Variants in STAM observed in about 807,000 individuals in gnomAD.
STAM encodes the protein signal transducing adaptor molecule.
In STAM, 16 loss-of-function variants were observed where a neutral mutation model predicts 63.4. The observed-to-expected ratio is 0.25, with a 90% CI of 0.17 to 0.38. The LOEUF is 0.38. STAM is among the 10% of genes least tolerant of loss of function. The pLI, the probability that STAM is intolerant of heterozygous loss-of-function variation, is 1.00. For missense variants in STAM, 636 were observed against 657.1 expected (o/e 0.97, Z 0.35); for synonymous variants, 238 against 223.9 (o/e 1.06, Z -0.56).
At chr10:17,661,832 A>G (rs549751734) in intron 2 of STAM, among the ~76,000 whole-genome samples, 18 of 152,056 alleles carry the variant, frequency 1.2e-4, no homozygotes, top group African/African-American at 4.3e-4. Flanking sequence ...TATACCCTCC[A>G]CTCTAGCTTT....
intron 12 of STAM, among the ~76,000 whole-genome samples, chr10:17,707,412 A>AT (rs1836339195): frequency 6.6e-6 from 1 of 151,902 alleles, no homozygotes; most frequent in Non-Finnish European, 1.5e-5. Flanking sequence ...TCCACCTCAA[A>AT]AAATAATAAT....
Position 17,700,263 on chromosome 10 carries a change from C to T in STAM, c.896C>T (p.Pro299Leu), listed in dbSNP as rs1162669332. 6.2e-7 allele frequency: 1 copy of T among 1,607,170 alleles called. No homozygotes were observed. Among genetic ancestry groups the T allele is most frequent in the Non-Finnish European group, 8.5e-7 (1 of 1,176,534 alleles). Residue 299 changes from proline (P) to leucine (L), a missense_variant, in exon 9 of 14, where the codon CCA becomes CTA. Pro to Leu is a moderately conservative substitution (Grantham distance 98). Transcript: ENST00000377524. ...QVETIEPEPE[P>L]AFIDEDKMDQ... Reference sequence around the variant, plus strand: ...GAGACAATAGAACCAGAGCCGGAACCAGCCTTTATTGATGAAGTAAGTGGT... The same window carrying T: ...GAGACAATAGAACCAGAGCCGGAACTAGCCTTTATTGATGAAGTAAGTGGT...
chr10:17,684,959 G>C (rs1835234770), intron 4 of STAM, 32 bp downstream of exon 4: 1 of 1,538,872 alleles, frequency 6.5e-7, no homozygotes, highest in African/African-American at 1.4e-5. Flanking sequence ...AATTAATTAA[G>C]GCAGTCTTCT....
chr10:17,665,328 C>CA (rs1371965779), intron 2 of STAM, among the ~76,000 whole-genome samples: 2 of 152,036 alleles, frequency 1.3e-5, no homozygotes, highest in East Asian at 3.9e-4. Context: ...TCACATGGCT[C>CA]AAATGTTAAA....
At chr10:17,651,404 T>C (rs1554821537) in intron 1 of STAM, among the ~76,000 whole-genome samples, 12 of 152,228 alleles carry the variant, frequency 7.9e-5, no homozygotes, top group Non-Finnish European at 1.8e-4. Flanking sequence ...AAGTTAGAAA[T>C]AGATGTGGGG....
chr10:17,654,595 CTT>C (rs1264665620), intron 1 of STAM, among the ~76,000 whole-genome samples: 2 of 152,192 alleles, frequency 1.3e-5, no homozygotes, highest in East Asian at 3.9e-4. Flanking sequence ...CATGAGTAGT[CTT>C]ATCATTTTTT....
At chr10:17,705,226 T>C (rs1836207436) in intron 11 of STAM, among the ~76,000 whole-genome samples, 1 of 152,200 alleles carries the variant, frequency 6.6e-6, no homozygotes, top group Non-Finnish European at 1.5e-5. Flanking sequence ...CTTTGCAATA[T>C]AGTCAAAAGG....
Position 17,715,214 on chromosome 10 carries a change from A to T in STAM, c.*434A>T, listed in dbSNP as rs1836763582. On this transcript the variant is annotated 3_prime_UTR_variant, in exon 14 of 14. Coordinates refer to ENST00000377524, the MANE Select transcript of STAM (RefSeq NM_003473.4). ...TAATTTACGTTGCTATTTTATTTTAATCATAAACAACTACCATGTTTCTTA... is the reference window on the plus strand; with the variant it reads ...TAATTTACGTTGCTATTTTATTTTATTCATAAACAACTACCATGTTTCTTA... The T allele has an allele frequency of 5.8e-6, 1 of 171,136 alleles. No individual in the cohort carries two copies. Among genetic ancestry groups the T allele is most frequent in the South Asian group, 1.4e-4 (1 of 7,064 alleles). The allele number at this position is 171,136 out of a possible 1,614,324, so 10.6% of individuals were successfully genotyped here.
At chr10:17,644,716 G>A (rs1474433185) in intron 1 of STAM, among the ~76,000 whole-genome samples, 1 of 152,220 alleles carries the variant, frequency 6.6e-6, no homozygotes, top group Non-Finnish European at 1.5e-5. Context: ...GGCTTAAGGC[G>A]TATGTTGGCT....
At chr10:17,687,419 G>A (rs1332855118) in intron 4 of STAM, among the ~76,000 whole-genome samples, 1 of 152,092 alleles carries the variant, frequency 6.6e-6, no homozygotes, top group Admixed American at 6.5e-5. Context: ...CCTCTGGGAG[G>A]CGGAGGTTGC....
At chr10:17,682,543 T>A (rs1554825499) in intron 2 of STAM, among the ~76,000 whole-genome samples, 1 of 152,212 alleles carries the variant, frequency 6.6e-6, no homozygotes, top group Non-Finnish European at 1.5e-5. Flanking sequence ...TTTCCAAATA[T>A]TTGGGTATTT....
intron 1 of STAM, among the ~76,000 whole-genome samples, chr10:17,651,833 T>C (rs991629002): frequency 2.6e-5 from 4 of 152,276 alleles, no homozygotes; most frequent in Non-Finnish European, 5.9e-5. Context: ...GCTGACTGAA[T>C]GACAGTCCTT....
At chr10:17,693,616 C>G (rs1192173393) in intron 6 of STAM, among the ~76,000 whole-genome samples, 1 of 152,168 alleles carries the variant, frequency 6.6e-6, no homozygotes, top group Non-Finnish European at 1.5e-5. Flanking sequence ...ACTTGCTTTT[C>G]TCATGCAACA....
In STAM at chr10:17,708,949, A is replaced by C. The variant is rs1836430074; in HGVS notation, c.1383A>C (p.Pro461=). 1 of 1,613,210 alleles carries C rather than the reference A, an allele frequency of 6.2e-7. No individual in the cohort carries two copies. The highest frequency in any genetic ancestry group is 8.5e-7 in the Non-Finnish European group (1 of 1,179,388). Residue 461 remains proline, a splice_region_variant and synonymous_variant, in exon 13 of 14, where the codon CCA becomes CCC. Transcript: ENST00000377524. The part of the protein sequence containing the change: ...LPSQQTQAAY[P]NTMVSSVQGN... ...GTCAGCAGACTCAGGCCGCTTACCC[A>C]AAGTAATTTTACTGTTGATTCTTGT...
intron 2 of STAM, among the ~76,000 whole-genome samples, chr10:17,667,581 G>A (rs1834447640): frequency 6.6e-6 from 1 of 152,196 alleles, no homozygotes; most frequent in African/African-American, 2.4e-5. Flanking sequence ...TGGCTATACA[G>A]TGGTGAATAA....
At chr10:17,665,132 G>C (rs1834324084) in intron 2 of STAM, among the ~76,000 whole-genome samples, 1 of 151,130 alleles carries the variant, frequency 6.6e-6, no homozygotes, top group East Asian at 1.9e-4. Context: ...AGTCAGAACT[G>C]TGACCAGGAA....
intron 2 of STAM, among the ~76,000 whole-genome samples, chr10:17,683,732 TGACTG>T (rs1282237565): frequency 6.6e-6 from 1 of 152,262 alleles, no homozygotes; most frequent in Non-Finnish European, 1.5e-5. Flanking sequence ...ATAAAGTCCT[TGACTG>T]CTAATTTCAT....
intron 13 of STAM, among the ~76,000 whole-genome samples, chr10:17,710,120 C>A (rs536497369): frequency 6.6e-6 from 1 of 151,894 alleles, no homozygotes; most frequent in South Asian, 2.1e-4. Context: ...CTTAATAGGA[C>A]CCTGCAGCTA....
chr10:17,715,399 A>G lies in STAM; in HGVS notation c.*619A>G, dbSNP rs1172914054. The G allele has an allele frequency of 2.6e-5, 4 of 155,806 alleles. No individual in the cohort carries two copies. Among genetic ancestry groups the G allele is most frequent in the Admixed American group, 6.2e-5 (1 of 16,174 alleles). 9.7% of individuals were successfully genotyped at this position (155,806 alleles called of 1,614,324 possible). A position where few individuals can be genotyped will look rare whatever the true frequency, so the allele number is the denominator to read the frequency against. On this transcript the variant is annotated 3_prime_UTR_variant, in exon 14 of 14. Transcript: ENST00000377524. ...TTGTGAGCTAAAGAGATATATATAT[A>G]TATGTGTGTGTATATATATATATCT...
Sources: allele counts gnomAD v4.1 joint callset (sites outside exome capture counted in the v4.1 genomes callset), GRCh38; gene constraint gnomAD v4.1.1; transcripts MANE v1.5; gene names NCBI Gene and HGNC (gene_info 2026-07-23, HGNC 2026-07-21).